ABHD2: variants seen among roughly 807,000 people sequenced by gnomAD.
ABHD2 encodes the protein abhydrolase domain containing 2, acylglycerol lipase.
Under a neutral mutation model 48.1 loss-of-function variants are expected in ABHD2, and 20 were observed. The ratio of observed to expected loss-of-function variants is 0.42; its 90% CI spans 0.29 to 0.60. The LOEUF is 0.60. Ranked by LOEUF, ABHD2 falls within the 20% of genes least tolerant of loss-of-function variation. ABHD2 has a pLI of 0.24. For synonymous variants in ABHD2, 209 were observed against 214.2 expected (o/e 0.98, Z 0.21); for missense variants, 405 against 550.9 (o/e 0.74, Z 2.65).
At position 89,168,230 on chromosome 15, in the gene ABHD2, G is replaced by T. The variant is rs571263527; in HGVS notation, c.539-7582G>T. Among the ~76,000 whole-genome samples the T allele has an allele frequency of 6.6e-6, 1 of 152,296 alleles. No homozygotes were observed. The highest frequency in any genetic ancestry group is 1.5e-5 in the Non-Finnish European group (1 of 68,014). On this transcript the variant is annotated intron_variant, in intron 5 of 10. Coordinates refer to ENST00000352732, the MANE Select transcript of ABHD2 (RefSeq NM_152924.5). This position sits in a 1 kb window ranked among gnomAD's most constrained non-coding sequence, Gnocchi z 4.8. ...GGGTCTTTTCTGTTCCCAGCAAGTT[G>T]CCTTTCCAAAATGGCCGTGCAATAC...
chr15:89,091,051 A>C lies in ABHD2; in HGVS notation c.-107+2488A>C, dbSNP rs1901577292. On this transcript the variant is annotated intron_variant, in intron 1 of 10. Transcript: ENST00000352732. The surrounding 1 kb of genome is among the most constrained non-coding windows in gnomAD (Gnocchi z 5.5). ...CCTGTTCTTTTCCAAAGCTTGAAAT[A>C]AACCAGATGGCAAGTACAAGGGAAT... Among the ~76,000 whole-genome samples, 1 of 152,202 alleles carries C rather than the reference A, an allele frequency of 6.6e-6. No individual in the cohort carries two copies. The highest frequency in any genetic ancestry group is 6.5e-5 in the Admixed American group (1 of 15,284).
the ABHD2 span, among the ~76,000 whole-genome samples, chr15:89,042,795 T>C: frequency 6.6e-6 from 1 of 151,786 alleles, no homozygotes; most frequent in Admixed American, 6.6e-5. Flanking sequence ...TACAGGTGTG[T>C]GCCACAAAGC....
In ABHD2 at chr15:89,097,615, A is replaced by G. The variant is rs1201958595; in HGVS notation, c.-107+9052A>G. Among the ~76,000 whole-genome samples, 2 of 152,024 alleles carry G rather than the reference A, an allele frequency of 1.3e-5. No individual in the cohort carries two copies. Among genetic ancestry groups the G allele is most frequent in the Non-Finnish European group, 2.9e-5 (2 of 68,026 alleles). On this transcript the variant is annotated intron_variant, in intron 1 of 10. Transcript: ENST00000352732. This position sits in a 1 kb window ranked among gnomAD's most constrained non-coding sequence, Gnocchi z 4.2. ...GTTGGAGAAACTGGGTAGTCTGTCCAGTAGAGGTATTTGTTTACTTTTGAC... is the reference window on the plus strand; with the variant it reads ...GTTGGAGAAACTGGGTAGTCTGTCCGGTAGAGGTATTTGTTTACTTTTGAC...
the ABHD2 span, among the ~76,000 whole-genome samples, chr15:89,073,352 G>A: frequency 6.6e-6 from 1 of 152,178 alleles, no homozygotes; most frequent in Non-Finnish European, 1.5e-5. Flanking sequence ...CTGGAGTGCA[G>A]TGGTACGATC....
rs553739193 is a variant in ABHD2 at position 89,185,115 on chromosome 15, G to C, written c.723-309G>C. Among the ~76,000 whole-genome samples, 3 of 152,326 alleles carry C rather than the reference G, an allele frequency of 2.0e-5. No individual in the cohort carries two copies. Among genetic ancestry groups the C allele is most frequent in the South Asian group, 4.1e-4 (2 of 4,828 alleles). ...GACAATTGAAGCAGACTTTGGTCCT[G>C]GCAGGCTCAGTGACTAAGAGAAGGT... On this transcript the variant is annotated intron_variant, in intron 6 of 10. Coordinates refer to ENST00000352732, the MANE Select transcript of ABHD2 (RefSeq NM_152924.5). This position sits in a 1 kb window ranked among gnomAD's most constrained non-coding sequence, Gnocchi z 5.9.
At chr15:89,053,359 C>A in the ABHD2 span, among the ~76,000 whole-genome samples, 1 of 151,738 alleles carries the variant, frequency 6.6e-6, no homozygotes, top group South Asian at 2.1e-4. Flanking sequence ...CAAACTAATA[C>A]AGGTATTAGA....
At chr15:89,069,122 C>CTTTTTTTTTT in the ABHD2 span, among the ~76,000 whole-genome samples, 1 of 124,900 alleles carries the variant, frequency 8.0e-6, no homozygotes, top group Non-Finnish European at 1.6e-5. Flanking sequence ...CTTTTCTTTT[C>CTTTTTTTTTT]TTTTTTTTTT....
intron 3 of ABHD2, among the ~76,000 whole-genome samples, chr15:89,147,555 G>A (rs2050515219): frequency 1.3e-5 from 2 of 150,838 alleles, no homozygotes; most frequent in African/African-American, 2.4e-5. Flanking sequence ...GGGTTTCACC[G>A]TGTTAGCCAG....
intron 1 of ABHD2, among the ~76,000 whole-genome samples, chr15:89,098,695 G>A (rs185210168): frequency 2.6e-4 from 40 of 152,294 alleles, no homozygotes; most frequent in Admixed American, 1.3e-4. Flanking sequence ...GGAAAATGCC[G>A]AGTAGATTAT....
At chr15:89,135,724 C>A in intron 3 of ABHD2, 1 of 1,267,918 alleles carries the variant, frequency 7.9e-7, no homozygotes. Flanking sequence ...CCTTCAGCTT[C>A]GCAGCCTTCT....
At chr15:89,076,175 G>A in the ABHD2 span, among the ~76,000 whole-genome samples, 7 of 152,150 alleles carry the variant, frequency 4.6e-5, no homozygotes, top group South Asian at 2.1e-4. Context: ...CACACTGAAC[G>A]TTAGTTTTCT....
the ABHD2 span, among the ~76,000 whole-genome samples, chr15:89,056,817 A>G: frequency 1.3e-5 from 2 of 151,328 alleles, no homozygotes; most frequent in Non-Finnish European, 2.9e-5. Context: ...AGCAATCTCT[A>G]CCTGTCAGAG....
In ABHD2 at chr15:89,099,125, G is replaced by T. The variant is rs140033001; in HGVS notation, c.-107+10562G>T. On this transcript the variant is annotated intron_variant, in intron 1 of 10. Coordinates refer to ENST00000352732, the MANE Select transcript of ABHD2 (RefSeq NM_152924.5). ...TGTGAGCACCAAATGAGGTAATGTC[G>T]GAGGATGCACTTTGTCAGTAAGTTA... Among the ~76,000 whole-genome samples the T allele has an allele frequency of 2.6e-3, 396 of 152,248 alleles. 2 individuals are homozygous for T. The highest frequency in any genetic ancestry group is 9.1e-3 in the African/African-American group (379 of 41,536).
the ABHD2 span, among the ~76,000 whole-genome samples, chr15:89,049,597 C>G: frequency 6.6e-6 from 1 of 152,232 alleles, no homozygotes; most frequent in Non-Finnish European, 1.5e-5. Flanking sequence ...CCTCGTGCGC[C>G]GTTTTTTAAG....
In ABHD2 at chr15:89,100,085, G is replaced by A. The variant is rs1567066483; in HGVS notation, c.-107+11522G>A. Among the ~76,000 whole-genome samples, 1 of 152,154 alleles carries A rather than the reference G, an allele frequency of 6.6e-6. No homozygotes were observed. Among genetic ancestry groups the A allele is most frequent in the African/African-American group, 2.4e-5 (1 of 41,418 alleles). On this transcript the variant is annotated intron_variant, in intron 1 of 10. Transcript: ENST00000352732. The surrounding 1 kb of genome is among the most constrained non-coding windows in gnomAD (Gnocchi z 4.4). ...GTCTGGAATGGGAGAAGGAACGTGT[G>A]TGTGATCCATGTTACCTGTAGAAGA...
intron 3 of ABHD2, among the ~76,000 whole-genome samples, chr15:89,119,685 A>C (rs949817764): frequency 9.2e-5 from 14 of 152,118 alleles, no homozygotes; most frequent in Admixed American, 7.9e-4. Context: ...TACAAGTGAG[A>C]GAACTGAGGC....
chr15:89,142,600 G>A (rs1368788629), intron 3 of ABHD2, among the ~76,000 whole-genome samples: 1 of 152,144 alleles, frequency 6.6e-6, no homozygotes, highest in Non-Finnish European at 1.5e-5. Context: ...GAAATCATGA[G>A]CCTTACTCTT....
chr15:89,092,611 A>G lies in ABHD2; in HGVS notation c.-107+4048A>G, dbSNP rs184242484. 2.6e-5 allele frequency among the ~76,000 whole-genome samples: 4 copies of G among 152,356 alleles called. No individual in the cohort carries two copies. The highest frequency in any genetic ancestry group is 9.6e-5 in the African/African-American group (4 of 41,594). Reference sequence around the variant, plus strand: ...CCCTGACCCCTGATCCTCAGAGGCAACCAGTATTAGCGATTTCTTCATCCT... The same window carrying G: ...CCCTGACCCCTGATCCTCAGAGGCAGCCAGTATTAGCGATTTCTTCATCCT... On this transcript the variant is annotated intron_variant, in intron 1 of 10. Transcript: ENST00000352732. This position sits in a 1 kb window ranked among gnomAD's most constrained non-coding sequence, Gnocchi z 4.4.
chr15:89,201,473 C>G lies in ABHD2; in HGVS notation c.*6050C>G. ...TCATGAGGTTTTGCCTCATTCCACA[C>G]AGCTTCCATATCTGAAGTGTTTAGT... is the stretch of plus-strand genomic sequence containing the variant. On this transcript the variant is annotated 3_prime_UTR_variant, in exon 11 of 11. Transcript: ENST00000352732. 6.5e-7 allele frequency: 1 copy of G among 1,527,786 alleles called. No homozygotes were observed. The highest frequency in any genetic ancestry group is 9.0e-7 in the Non-Finnish European group (1 of 1,108,332). 94.6% of individuals were successfully genotyped at this position (1,527,786 alleles called of 1,614,324 possible).
Sources: gnomAD v4.1 joint callset for allele counts (sites outside exome capture counted in the v4.1 genomes callset) on GRCh38, gnomAD v4.1.1 for gene constraint, Gnocchi (gnomAD v3.1) non-coding constraint, MANE v1.5 for transcripts, NCBI Gene and HGNC (gene_info 2026-07-23, HGNC 2026-07-21) for gene names.